The following CYP51A1 variants were observed in gnomAD, a reference collection of about 807,000 sequenced individuals.
The protein encoded by CYP51A1 is cytochrome P450 family 51 subfamily A member 1.
In CYP51A1, 45 loss-of-function variants were observed where a neutral mutation model predicts 53.5. The ratio of observed to expected loss-of-function variants is 0.84; its 90% confidence interval spans 0.66 to 1.08. The LOEUF (loss-of-function observed/expected upper bound fraction) is 1.08, where lower values mean the gene tolerates loss of function less well. CYP51A1 is among the 50% of genes least tolerant of loss of function. CYP51A1 has a pLI of 0.00. For missense variants in CYP51A1, 462 were observed against 621.7 expected, an observed-to-expected ratio of 0.74 and a Z score of 2.73; for synonymous variants, 181 against 217.7, an observed-to-expected ratio of 0.83 and a Z score of 1.48.
upstream of CYP51A1, chr7:92,134,778 G>T (rs1219858538): frequency 2.2e-5 from 4 of 180,984 alleles, no homozygotes; most frequent in Non-Finnish European, 3.5e-5. Flanking sequence ...CTCAGGGCGA[G>T]CTCGAGCGGC....
chr7:92,128,433 T>C, intron 3 of CYP51A1, among the ~76,000 whole-genome samples: 1 of 136,784 alleles, frequency 7.3e-6, no homozygotes, highest in Non-Finnish European at 1.5e-5. Context: ...GGTTTCTGTG[T>C]GTGTGTGTGT....
chr7:92,124,967 C>T (rs1251469702), intron 5 of CYP51A1, among the ~76,000 whole-genome samples: 2 of 151,988 alleles, frequency 1.3e-5, no homozygotes, highest in East Asian at 1.9e-4. Flanking sequence ...CACGGTGAAA[C>T]CCCATCTCTA....
At chr7:92,128,460 G>C (rs945836921) in intron 3 of CYP51A1, among the ~76,000 whole-genome samples, 1 of 101,976 alleles carries the variant, frequency 9.8e-6, no homozygotes, top group South Asian at 3.0e-4. Context: ...GTGTGTGCGC[G>C]TGCGTGTGTG....
chr7:92,132,886 GA>G (rs1211945174), intron 1 of CYP51A1, among the ~76,000 whole-genome samples: 2 of 151,976 alleles, frequency 1.3e-5, no homozygotes, highest in Admixed American at 6.6e-5. Context: ...ACAAAATAAT[GA>G]AAAAGGGTAA....
intron 1 of CYP51A1, among the ~76,000 whole-genome samples, chr7:92,132,215 CA>C (rs763688534): frequency 6.6e-6 from 1 of 152,134 alleles, no homozygotes; most frequent in Non-Finnish European, 1.5e-5. Context: ...AGCAAAAAAC[CA>C]AAAAGGTCAA....
At chr7:92,121,971 A>G (rs1385099307) in intron 7 of CYP51A1, among the ~76,000 whole-genome samples, 1 of 152,224 alleles carries the variant, frequency 6.6e-6, no homozygotes, top group African/African-American at 2.4e-5. Flanking sequence ...CTATGTAAAT[A>G]TATCAGTTAA....
chr7:92,124,918 C>A (rs566659834), intron 5 of CYP51A1, among the ~76,000 whole-genome samples: 1 of 151,952 alleles, frequency 6.6e-6, no homozygotes. Flanking sequence ...CCGAGGCGGG[C>A]GGATCACAAG....
At chr7:92,123,405 T>A in intron 6 of CYP51A1, 90 bp from the exon 7 acceptor site, 1 of 1,130,506 alleles carries the variant, frequency 8.8e-7, no homozygotes, top group South Asian at 1.5e-5. Context: ...ATGAATACAT[T>A]TTTCAGGTAT....
intron 6 of CYP51A1, 73 bp from the exon 7 acceptor site, chr7:92,123,388 T>C (rs895377051): frequency 8.1e-7 from 1 of 1,234,316 alleles, no homozygotes; most frequent in East Asian, 2.3e-5. Flanking sequence ...TTAAATAAAG[T>C]GTCATAATGA....
At chr7:92,114,551 A>C (rs1819543156) in intron 9 of CYP51A1, among the ~76,000 whole-genome samples, 1 of 152,196 alleles carries the variant, frequency 6.6e-6, no homozygotes, top group Non-Finnish European at 1.5e-5. Flanking sequence ...GCCAATGAGG[A>C]AAAGCAAGTC....
rs745502963 is a variant in CYP51A1, at chr7:92,123,122, G to C, written c.1084C>G (p.Gln362Glu). 2.5e-6 allele frequency: 4 copies of C among 1,608,654 alleles called. No homozygotes were observed. In the Admixed American group the frequency reaches 5.0e-5, roughly 20 times the overall value. ...TGAAACTGAAAAATCCAACAAACCT[G>C]GTCATAAGTTAAAGGAGGCAGATTC... is the stretch of plus-strand genomic sequence containing the variant. ...GENLPPLTYD[Q>E]LKDLNLLDRC... is the part of the protein sequence containing the mutation. Residue 362 changes from glutamine (Q) to glutamate (E), a missense_variant and splice_region_variant, in exon 7 of 10, where the codon CAG becomes GAG. Gln to Glu is a conservative substitution (Grantham distance 29, BLOSUM62 2). Coordinates refer to ENST00000003100, the MANE Select transcript of CYP51A1 (RefSeq NM_000786.4).
At chr7:92,133,126 A>G (rs973685739) in intron 1 of CYP51A1, among the ~76,000 whole-genome samples, 1 of 152,248 alleles carries the variant, frequency 6.6e-6, no homozygotes, top group African/African-American at 2.4e-5. Context: ...CTTGGTCAAA[A>G]GTTTGTACAT....
In CYP51A1 at chr7:92,134,254, C is replaced by A. The variant is rs1439324644; in HGVS notation, c.111G>T (p.Leu37=). ...GGCTGAGGGTGAAGGCGCAGGCGATCAGCAGCATGGACAAGAGGTTGCCGC... is the reference window on the plus strand; with the variant it reads ...GGCTGAGGGTGAAGGCGCAGGCGATAAGCAGCATGGACAAGAGGTTGCCGC... The part of the protein sequence containing the change: ...VTGGNLLSML[L]IACAFTLSLV... Residue 37 remains leucine, a synonymous_variant, in exon 1 of 10, where the codon CTG becomes CTT. Coordinates refer to ENST00000003100, the MANE Select transcript of CYP51A1 (RefSeq NM_000786.4). The A allele has an allele frequency of 3.1e-6, 5 of 1,613,314 alleles. No individual in the cohort carries two copies. In the Admixed American group the frequency reaches 8.3e-5, roughly 27 times the overall value.
Position 92,129,163 on chromosome 7 carries a change from A to G in CYP51A1, c.292-107T>C, listed in dbSNP as rs191318280. 11 of 651,924 alleles carry G rather than the reference A, an allele frequency of 1.7e-5. No individual in the cohort carries two copies. In the East Asian group the frequency reaches 3.3e-4, roughly 19 times the overall value. The allele number at this position is 651,924 out of a possible 1,614,324, so 40.4% of individuals were successfully genotyped here. ...TGCATTATTAAAAAAATAAAAACAT[A>G]TATAAACCTTAAAGCAATTCTTTTC... On this transcript the variant is annotated intron_variant, in intron 2 of 9. Transcript: ENST00000003100.
chr7:92,120,982 GAAAT>G (rs1331342103), intron 7 of CYP51A1, among the ~76,000 whole-genome samples: 2 of 152,062 alleles, frequency 1.3e-5, no homozygotes, highest in Non-Finnish European at 2.9e-5. Flanking sequence ...AGTCACCAGG[GAAAT>G]GCAAAATCAA....
rs151121785 is a variant in CYP51A1 at position 92,130,217 on chromosome 7, C to T, written c.292-1161G>A. Among the ~76,000 whole-genome samples the T allele has an allele frequency of 3.3e-5, 5 of 152,318 alleles. No homozygotes were observed. The East Asian group carries it at 9.6e-4, about 29-fold the overall frequency. On this transcript the variant is annotated intron_variant, in intron 2 of 9. Coordinates refer to ENST00000003100, the MANE Select transcript of CYP51A1 (RefSeq NM_000786.4). ...GTTCAAATCCCAGCTCCTCCACCTA[C>T]TTGCTGTATGACTTTGGTCCTATAG...
At chr7:92,123,631 T>C in intron 6 of CYP51A1, 103 bp downstream of exon 6, 2 of 1,140,056 alleles carry the variant, frequency 1.8e-6, no homozygotes, top group Non-Finnish European at 2.5e-6. Flanking sequence ...GCTACCAACT[T>C]ATTTTGCCAG....
chr7:92,123,930 G>GTTA, intron 5 of CYP51A1, 77 bp from the exon 6 acceptor site: 1 of 1,268,134 alleles, frequency 7.9e-7, no homozygotes, highest in Non-Finnish European at 1.1e-6. Context: ...TGAGAACCAG[G>GTTA]ACCGAGCATA....
chr7:92,130,840 G>A (rs183347473), intron 2 of CYP51A1, among the ~76,000 whole-genome samples: 15 of 152,294 alleles, frequency 9.8e-5, no homozygotes, highest in Admixed American at 8.5e-4. Context: ...GTTTGAATTA[G>A]TCACTGTAAT....
Sources: gnomAD v4.1 joint callset for allele counts (sites outside exome capture counted in the v4.1 genomes callset) on GRCh38, gnomAD v4.1.1 for gene constraint, MANE v1.5 for transcripts, NCBI Gene and HGNC (gene_info 2026-07-23, HGNC 2026-07-21) for gene names.